KCNIP1: variants seen among roughly 807,000 people sequenced by gnomAD.
KCNIP1 encodes the protein A-type potassium channel modulatory protein KCNIP1.
In KCNIP1, 18 loss-of-function variants were observed where a neutral mutation model predicts 33.0. The ratio of observed to expected loss-of-function variants is 0.55; its 90% CI spans 0.38 to 0.81. The LOEUF (loss-of-function observed/expected upper bound fraction) is 0.81. Among genes scored for constraint, KCNIP1 ranks in the 30% least tolerant of loss-of-function variants. The pLI, the probability that KCNIP1 is intolerant of heterozygous loss-of-function variation, is 0.00. For missense variants in KCNIP1, 238 were observed against 271.6 expected (o/e 0.88, Z 0.87); for synonymous variants, 93 against 98.3 (o/e 0.95, Z 0.32).
At chr5:170,515,925 A>G (rs1755102677) in intron 1 of KCNIP1, among the ~76,000 whole-genome samples, 1 of 152,236 alleles carries the variant, frequency 6.6e-6, no homozygotes, top group Non-Finnish European at 1.5e-5. Flanking sequence ...TGGCCCAGGC[A>G]AGAATGTAGG....
intron 1 of KCNIP1, among the ~76,000 whole-genome samples, chr5:170,599,706 G>A (rs1181760478): frequency 1.3e-5 from 2 of 151,474 alleles, no homozygotes; most frequent in Non-Finnish European, 2.9e-5. Flanking sequence ...CAGAACACTG[G>A]CAGAAGAGGA....
At chr5:170,638,291 G>C (rs555124863) in intron 1 of KCNIP1, among the ~76,000 whole-genome samples, 45 of 152,184 alleles carry the variant, frequency 3.0e-4, no homozygotes, top group Non-Finnish European at 2.4e-4. Flanking sequence ...GCCTTTGCTC[G>C]GTGGTCTTCA....
chr5:170,557,784 G>T (rs1223566749), intron 1 of KCNIP1, among the ~76,000 whole-genome samples: 1 of 152,128 alleles, frequency 6.6e-6, no homozygotes, highest in African/African-American at 2.4e-5. Flanking sequence ...TAGGAATGAG[G>T]TTGAGAAGTA....
intron 1 of KCNIP1, among the ~76,000 whole-genome samples, chr5:170,604,516 C>T (rs1758823332): frequency 6.6e-6 from 1 of 152,202 alleles, no homozygotes; most frequent in South Asian, 2.1e-4. Context: ...TGGCTCATCT[C>T]ACACTTGCAG....
intron 1 of KCNIP1, among the ~76,000 whole-genome samples, chr5:170,591,033 C>G (rs1347664514): frequency 6.6e-6 from 1 of 152,236 alleles, no homozygotes; most frequent in Non-Finnish European, 1.5e-5. Context: ...GAGAAGAGAA[C>G]AAGGACACTG....
At chr5:170,628,186 C>A (rs1429262326) in intron 1 of KCNIP1, among the ~76,000 whole-genome samples, 1 of 152,192 alleles carries the variant, frequency 6.6e-6, no homozygotes, top group Non-Finnish European at 1.5e-5. Flanking sequence ...GGCCTAGCAA[C>A]TTCTCAAGCA....
chr5:170,579,838 C>T (rs1240726249), intron 1 of KCNIP1, among the ~76,000 whole-genome samples: 4 of 152,156 alleles, frequency 2.6e-5, no homozygotes, highest in African/African-American at 4.8e-5. Context: ...CGCCTCTCTC[C>T]TACAGCCCTG....
At chr5:170,424,192 G>T (rs1027795933) in intron 1 of KCNIP1, among the ~76,000 whole-genome samples, 1 of 152,178 alleles carries the variant, frequency 6.6e-6, no homozygotes, top group Non-Finnish European at 1.5e-5. Context: ...CCAAGTGCGG[G>T]GTAGCAGGAG....
chr5:170,700,452 C>G (rs1257050980), intron 1 of KCNIP1, among the ~76,000 whole-genome samples: 8 of 152,116 alleles, frequency 5.3e-5, no homozygotes, highest in African/African-American at 1.9e-4. Flanking sequence ...GCCCGTGGTC[C>G]CTGCTACTCA....
At chr5:170,537,614 C>T (rs1444598301) in intron 1 of KCNIP1, among the ~76,000 whole-genome samples, 1 of 152,218 alleles carries the variant, frequency 6.6e-6, no homozygotes. Flanking sequence ...CTTCCGACTT[C>T]AGCTGTTCAT....
rs541268141 is a variant in KCNIP1 at position 170,576,266 on chromosome 5, G to A, written c.61+71633G>A. On this transcript the variant is annotated intron_variant, in intron 1 of 7. Transcript: ENST00000328939. ...AGTCTCCTTGTTTGGGCCTCACAGT[G>A]TATGGTAACCTCAGGGCAGTCAGAA... 2.6e-5 allele frequency among the ~76,000 whole-genome samples: 4 copies of A among 152,284 alleles called. No individual in the cohort carries two copies. In the South Asian group the frequency reaches 8.3e-4, roughly 32 times the overall value.
chr5:170,585,545 T>G (rs1439973179), intron 1 of KCNIP1, among the ~76,000 whole-genome samples: 2 of 152,146 alleles, frequency 1.3e-5, no homozygotes, highest in African/African-American at 4.8e-5. Context: ...AGCATGGCAG[T>G]TTCTGCCCAT....
intron 1 of KCNIP1, among the ~76,000 whole-genome samples, chr5:170,552,724 T>C (rs1329325782): frequency 1.3e-5 from 2 of 152,130 alleles, no homozygotes; most frequent in Admixed American, 6.5e-5. Context: ...GTGGATTCTA[T>C]CCTGAGTGCA....
chr5:170,495,548 T>G (rs973951429), intron 1 of KCNIP1, among the ~76,000 whole-genome samples: 1 of 152,184 alleles, frequency 6.6e-6, no homozygotes, highest in Non-Finnish European at 1.5e-5. Context: ...GCTCCCACAT[T>G]CCGCCAAAGT....
intron 1 of KCNIP1, among the ~76,000 whole-genome samples, chr5:170,429,617 C>G (rs901049966): frequency 6.6e-6 from 1 of 152,122 alleles, no homozygotes; most frequent in African/African-American, 2.4e-5. Flanking sequence ...ACTCCTCCCC[C>G]ACACCCTCAC....
chr5:170,711,213 T>C lies in KCNIP1; in HGVS notation c.62-7545T>C, dbSNP rs889324817. ...CTCCAGTTCTCAGTTCCTACCACTC[T>C]CTATAGTTGTACACTCATCATCTGT... On this transcript the variant is annotated intron_variant, in intron 1 of 7. Transcript: ENST00000328939. Among the ~76,000 whole-genome samples the C allele has an allele frequency of 2.0e-5, 3 of 152,200 alleles. No homozygotes were observed. The East Asian group carries it at 5.8e-4, about 29-fold the overall frequency.
chr5:170,728,105 T>C (rs1764070227), intron 5 of KCNIP1, among the ~76,000 whole-genome samples: 1 of 152,252 alleles, frequency 6.6e-6, no homozygotes, highest in Non-Finnish European at 1.5e-5. Flanking sequence ...TGATATAATT[T>C]ACCATTTATT....
chr5:170,412,289 G>T (rs1755214486), intron 1 of KCNIP1, among the ~76,000 whole-genome samples: 2 of 152,104 alleles, frequency 1.3e-5, no homozygotes, highest in African/African-American at 4.8e-5. Flanking sequence ...AGACTCTATA[G>T]GGGAAAAGCA....
intron 1 of KCNIP1, among the ~76,000 whole-genome samples, chr5:170,542,606 C>A (rs959519899): frequency 1.3e-5 from 2 of 152,100 alleles, no homozygotes; most frequent in Admixed American, 1.3e-4. Flanking sequence ...TTCCAAGACC[C>A]CCCGTTGGCA....
Sources: gnomAD v4.1 joint callset for allele counts (sites outside exome capture counted in the v4.1 genomes callset) on GRCh38, gnomAD v4.1.1 for gene constraint, MANE v1.5 for transcripts, NCBI Gene and HGNC (gene_info 2026-07-23, HGNC 2026-07-21) for gene names.